The following SKIC8 variants were observed in gnomAD, a reference collection of about 807,000 sequenced individuals.
SKIC8 encodes the protein SKI8 subunit of superkiller complex, also known as superkiller complex protein 8.
the SKIC8 span, chr15:78,289,615 A>C: frequency 6.2e-7 from 1 of 1,605,728 alleles, no homozygotes; most frequent in South Asian, 1.1e-5. Context: ...ATGATGATAT[A>C]TACCTTCCAG....
the SKIC8 span, chr15:78,295,332 C>T: frequency 3.5e-6 from 2 of 563,674 alleles, no homozygotes; most frequent in Non-Finnish European, 6.3e-6. Context: ...GCCTGCCTAA[C>T]CGTCTATTAA....
the SKIC8 span, chr15:78,290,651 A>G: frequency 1.3e-5 from 2 of 152,356 alleles, no homozygotes; most frequent in Admixed American, 1.3e-4. Flanking sequence ...AATTCATCCA[A>G]GGAGTTTTAC....
the SKIC8 span, chr15:78,293,391 T>C: frequency 1.0e-6 from 1 of 980,960 alleles, no homozygotes; most frequent in Non-Finnish European, 1.5e-6. Flanking sequence ...TTTTACAAAG[T>C]GCTTTCCTAT....
the SKIC8 span, chr15:78,286,043 G>A: frequency 2.5e-6 from 4 of 1,611,988 alleles, no homozygotes; most frequent in Non-Finnish European, 3.4e-6. Flanking sequence ...TTAAGTACCT[G>A]GAAACAAAGT....
At chr15:78,299,092 G>C in the SKIC8 span, among the ~76,000 whole-genome samples, 33 of 152,154 alleles carry the variant, frequency 2.2e-4, no homozygotes, top group Middle Eastern at 3.2e-3. Flanking sequence ...ATGCCTCTAT[G>C]AAACTACTCA....
At chr15:78,283,487 T>A in the SKIC8 span, 1 of 1,613,868 alleles carries the variant, frequency 6.2e-7, no homozygotes, top group African/African-American at 1.3e-5. Context: ...AGACACAATT[T>A]TTGAACCATT....
chr15:78,298,742 G>C, the SKIC8 span, among the ~76,000 whole-genome samples: 2 of 152,096 alleles, frequency 1.3e-5, no homozygotes, highest in Non-Finnish European at 2.9e-5. Context: ...GTCAGTCAGG[G>C]TCCTTCACTA....
chr15:78,285,543 A>G, the SKIC8 span: 1 of 583,140 alleles, frequency 1.7e-6, no homozygotes, highest in Non-Finnish European at 3.1e-6. Context: ...CCTGGCCCTC[A>G]TATTAATTGT....
chr15:78,289,141 A>C, the SKIC8 span, among the ~76,000 whole-genome samples: 2 of 152,234 alleles, frequency 1.3e-5, no homozygotes, highest in Non-Finnish European at 2.9e-5. Context: ...CAGGCCAGGT[A>C]TGGTGGCTCA....
At chr15:78,285,222 C>G in the SKIC8 span, 3 of 1,601,796 alleles carry the variant, frequency 1.9e-6, no homozygotes, top group Non-Finnish European at 2.6e-6. Flanking sequence ...AATGGTCAAA[C>G]AACCCCGACT....
chr15:78,293,072 G>GA, the SKIC8 span: 5 of 1,157,376 alleles, frequency 4.3e-6, no homozygotes, highest in Non-Finnish European at 6.3e-6. Flanking sequence ...TTCTTGCCTA[G>GA]AAAAAAGTAT....
At chr15:78,286,669 T>A in the SKIC8 span, 1 of 152,392 alleles carries the variant, frequency 6.6e-6, no homozygotes, top group African/African-American at 2.4e-5. Flanking sequence ...TTCACTTTTT[T>A]AATAAAAATG....
chr15:78,292,848 G>A, the SKIC8 span: 1 of 1,586,908 alleles, frequency 6.3e-7, no homozygotes, highest in Admixed American at 1.7e-5. Context: ...CCTGGCATCT[G>A]AAATTCTGGG....
chr15:78,292,330 A>T, the SKIC8 span: 1 of 331,212 alleles, frequency 3.0e-6, no homozygotes, highest in Non-Finnish European at 5.7e-6. Flanking sequence ...TTACTACCAA[A>T]ATTCATTTGG....
At chr15:78,291,895 G>A in the SKIC8 span, 5 of 152,258 alleles carry the variant, frequency 3.3e-5, no homozygotes, top group Admixed American at 2.6e-4. Context: ...GCTGGGGAAT[G>A]TTGTGCAGCC....
chr15:78,284,293 C>T, the SKIC8 span: 1 of 152,252 alleles, frequency 6.6e-6, no homozygotes, highest in South Asian at 2.1e-4. Flanking sequence ...CCAGGACTTA[C>T]TCCCTGAGTA....
chr15:78,285,008 G>A, the SKIC8 span: 1 of 477,210 alleles, frequency 2.1e-6, no homozygotes, highest in Non-Finnish European at 3.8e-6. Flanking sequence ...AGGCTGTGGG[G>A]CTAACACCAT....
the SKIC8 span, chr15:78,292,797 G>C: frequency 1.9e-6 from 3 of 1,612,784 alleles, no homozygotes; most frequent in South Asian, 1.1e-5. Flanking sequence ...GCCTTCAACA[G>C]GGGACAGAGA....
chr15:78,292,787 G>A, the SKIC8 span: 29 of 1,613,226 alleles, frequency 1.8e-5, no homozygotes, highest in African/African-American at 4.0e-5. Flanking sequence ...CTCTCATCAC[G>A]CCTTCAACAG....
Sources: allele counts gnomAD v4.1 joint callset (sites outside exome capture counted in the v4.1 genomes callset), GRCh38; gene constraint gnomAD v4.1.1; transcripts MANE v1.5; gene names NCBI Gene and HGNC (gene_info 2026-07-23, HGNC 2026-07-21).